Variants in STAU2 observed in about 807,000 individuals in gnomAD.
STAU2 encodes double-stranded RNA-binding protein Staufen homolog 2.
STAU2 carries 20 observed loss-of-function variants against 65.9 expected under a neutral mutation model. The ratio of observed to expected loss-of-function variants is 0.30; its 90% CI spans 0.21 to 0.44. STAU2 has a LOEUF of 0.44. Ranked by LOEUF, STAU2 falls within the 20% of genes least tolerant of loss-of-function variation. The probability of loss-of-function intolerance (pLI) is 1.00; values close to 1 mark genes in which losing one functional copy is unlikely to be tolerated. For missense variants in STAU2, 558 were observed against 683.9 expected (o/e 0.82, Z 2.05); for synonymous variants, 232 against 233.9 (o/e 0.99, Z 0.07).
Position 73,422,718 on chromosome 8 carries a change from A to G in STAU2, c.1531-16T>C, listed in dbSNP as rs1402006675. 2.1e-6 allele frequency: 3 copies of G among 1,407,246 alleles called. No individual in the cohort carries two copies. Among genetic ancestry groups the G allele is most frequent in the Admixed American group, 3.1e-5 (1 of 32,638 alleles). 87.2% of individuals were successfully genotyped at this position (1,407,246 alleles called of 1,614,324 possible). ...TTAAGGCTGCCTAAAAATGAAAACA[A>G]ACAGAGAGAGCCATTCACTGACTCT... On this transcript the variant is annotated splice_polypyrimidine_tract_variant and intron_variant, in intron 13 of 14. Transcript: ENST00000524300.
intron 11 of STAU2, among the ~76,000 whole-genome samples, chr8:73,594,495 A>G (rs1811044071): frequency 6.6e-6 from 1 of 152,236 alleles, no homozygotes; most frequent in Non-Finnish European, 1.5e-5. Context: ...AATGTTTGGT[A>G]GAAATAATGT....
At chr8:73,485,542 G>A (rs951730807) in intron 13 of STAU2, among the ~76,000 whole-genome samples, 1 of 152,008 alleles carries the variant, frequency 6.6e-6, no homozygotes, top group Non-Finnish European at 1.5e-5. Context: ...GGTGGCTACT[G>A]CAATGGGATT....
intron 13 of STAU2, among the ~76,000 whole-genome samples, chr8:73,520,356 GATT>G (rs796244615): frequency 6.6e-6 from 1 of 152,162 alleles, no homozygotes; most frequent in Non-Finnish European, 1.5e-5. Context: ...CTTAAAAGTT[GATT>G]ATATGTTGAG....
intron 13 of STAU2, among the ~76,000 whole-genome samples, chr8:73,482,913 C>T (rs1335786857): frequency 2.0e-5 from 3 of 152,108 alleles, no homozygotes; most frequent in Non-Finnish European, 4.4e-5. Flanking sequence ...ACTGAGATGA[C>T]TTAATTGGTG....
intron 7 of STAU2, 128 bp from the exon 8 acceptor site, chr8:73,615,910 C>T (rs1192264656): frequency 6.2e-6 from 4 of 650,068 alleles, no homozygotes; most frequent in Non-Finnish European, 1.0e-5. Flanking sequence ...GTATCTGCTG[C>T]ATTCTCCTGT....
intron 13 of STAU2, among the ~76,000 whole-genome samples, chr8:73,529,004 G>A (rs1585939710): frequency 6.6e-6 from 1 of 152,070 alleles, no homozygotes; most frequent in Non-Finnish European, 1.5e-5. Context: ...TTCCCTGGAG[G>A]TAGGGAAACT....
chr8:73,466,167 A>G (rs1819642264), intron 13 of STAU2, among the ~76,000 whole-genome samples: 1 of 152,220 alleles, frequency 6.6e-6, no homozygotes, highest in African/African-American at 2.4e-5. Flanking sequence ...ACAAATGTAA[A>G]TGGAAACCCA....
At chr8:73,747,330 CGACT>C (rs1029947543), upstream of STAU2, 25 of 1,523,170 alleles carry the variant, frequency 1.6e-5, no homozygotes, top group Non-Finnish European at 2.0e-5. Context: ...CTTCCCCGCC[CGACT>C]GACCGTCTGC....
At chr8:73,527,936 A>G (rs1158622046) in intron 13 of STAU2, 6 of 499,988 alleles carry the variant, frequency 1.2e-5, no homozygotes, top group Admixed American at 6.3e-5. Flanking sequence ...AACCCCTCCA[A>G]TATCTGGGAC....
rs144173934 is a variant in STAU2 at position 73,563,455 on chromosome 8, T to C, written c.1223-11136A>G. On this transcript the variant is annotated intron_variant, in intron 12 of 14. Coordinates refer to ENST00000524300, the MANE Select transcript of STAU2 (RefSeq NM_001164380.2). The stretch of plus-strand genomic sequence containing the variant: ...TTTCCACTCAATCCAGGGCTGGGGG[T>C]AGGGGAAAGGGTATGGCTATAACAG... Among the ~76,000 whole-genome samples the C allele has an allele frequency of 4.9e-4, 74 of 151,612 alleles. 1 individual carries two copies. The highest frequency in any genetic ancestry group is 1.8e-3 in the African/African-American group (74 of 41,330).
chr8:73,587,539 G>A (rs1810461882), intron 11 of STAU2, among the ~76,000 whole-genome samples: 1 of 152,134 alleles, frequency 6.6e-6, no homozygotes, highest in Non-Finnish European at 1.5e-5. Context: ...GGTGTACGTT[G>A]GGAAAGGAAC....
chr8:73,567,202 T>C (rs780228672), intron 12 of STAU2, among the ~76,000 whole-genome samples: 2 of 152,076 alleles, frequency 1.3e-5, no homozygotes, highest in Non-Finnish European at 2.9e-5. Flanking sequence ...TGCTATGTGA[T>C]TTACTTTTTA....
At chr8:73,553,713 C>G (rs762218351) in intron 12 of STAU2, among the ~76,000 whole-genome samples, 2 of 151,854 alleles carry the variant, frequency 1.3e-5, no homozygotes, top group Non-Finnish European at 2.9e-5. Context: ...TTCTGCTTGA[C>G]ATTGTCTGCT....
At chr8:73,439,165 C>A in intron 13 of STAU2, 1 of 392,020 alleles carries the variant, frequency 2.6e-6, no homozygotes. Flanking sequence ...CATCTGTTAA[C>A]ACCTCCACCC....
chr8:73,630,419 A>C (rs1218181287), intron 6 of STAU2, among the ~76,000 whole-genome samples: 1 of 152,256 alleles, frequency 6.6e-6, no homozygotes, highest in Admixed American at 6.5e-5. Flanking sequence ...ACTACCACAC[A>C]TAGGAAGAGG....
At chr8:73,515,771 CTCTTT>C (rs1300921939) in intron 13 of STAU2, among the ~76,000 whole-genome samples, 1 of 95,378 alleles carries the variant, frequency 1.0e-5, no homozygotes, top group African/African-American at 3.7e-5. Flanking sequence ...GAAAAAATTT[CTCTTT>C]TTTTTTTTTT....
intron 5 of STAU2, among the ~76,000 whole-genome samples, chr8:73,679,978 A>ATTTTTTTT (rs1160379353): frequency 2.5e-5 from 2 of 81,368 alleles, no homozygotes; most frequent in African/African-American, 4.8e-5. Flanking sequence ...TAGGGAAGCC[A>ATTTTTTTT]TTTTTTTTTT....
chr8:73,603,950 C>T, intron 9 of STAU2, 87 bp from the exon 10 acceptor site: 2 of 1,348,492 alleles, frequency 1.5e-6, no homozygotes, highest in East Asian at 2.5e-5. Context: ...CTTCCCTCCA[C>T]CCCCACACCC....
At position 73,610,435 on chromosome 8, in the gene STAU2, T is replaced by G. The variant is rs532497564; in HGVS notation, c.891+3309A>C. Among the ~76,000 whole-genome samples the G allele has an allele frequency of 1.9e-4, 28 of 150,540 alleles. No individual in the cohort carries two copies. In the South Asian group the frequency reaches 5.7e-3, roughly 31 times the overall value. On this transcript the variant is annotated intron_variant, in intron 9 of 14. Transcript: ENST00000524300. ...TGCCTAGTCCCAGCTACTCTGGAGG[T>G]TGACATGGGAGAATCGTTTGAACCC... is the stretch of plus-strand genomic sequence containing the variant.
Sources: allele counts gnomAD v4.1 joint callset (sites outside exome capture counted in the v4.1 genomes callset), GRCh38; gene constraint gnomAD v4.1.1; transcripts MANE v1.5; gene names NCBI Gene and HGNC (gene_info 2026-07-23, HGNC 2026-07-21).